The following PXDNL variants were observed in gnomAD, a reference collection of about 807,000 sequenced individuals.
PXDNL encodes the protein peroxidasin like, also known as probable oxidoreductase PXDNL.
In PXDNL, 145 loss-of-function variants were observed where a neutral mutation model predicts 150.8. That is an observed-to-expected ratio of 0.96 (90% CI 0.84 to 1.10). PXDNL has a LOEUF of 1.10. Among genes scored for constraint, PXDNL ranks in the 50% least tolerant of loss-of-function variants. The probability of loss-of-function intolerance (pLI) is 0.00; values close to 1 mark genes in which losing one functional copy is unlikely to be tolerated. For missense variants in PXDNL, 2,087 were observed against 1,873.9 expected (o/e 1.11, Z -2.10); for synonymous variants, 757 against 725.7 (o/e 1.04, Z -0.69).
chr8:51,696,625 C>T (rs549580286), intron 1 of PXDNL, among the ~76,000 whole-genome samples: 1 of 4,404 alleles, frequency 2.3e-4, no homozygotes, highest in East Asian at 7.5e-3. Context: ...ACACACAGAT[C>T]CATTCACAGG....
intron 6 of PXDNL, among the ~76,000 whole-genome samples, chr8:51,477,460 C>T (rs573240380): frequency 2.6e-5 from 4 of 152,302 alleles, no homozygotes; most frequent in East Asian, 1.9e-4. Flanking sequence ...TTCAGGACAG[C>T]GCTGTTGGTT....
chr8:51,681,916 A>T (rs1815759253), intron 1 of PXDNL, among the ~76,000 whole-genome samples: 1 of 152,230 alleles, frequency 6.6e-6, no homozygotes, highest in Non-Finnish European at 1.5e-5. Context: ...CATACAAATG[A>T]CAGCAGATAG....
At chr8:51,347,899 G>C (rs1806210303) in intron 19 of PXDNL, among the ~76,000 whole-genome samples, 1 of 151,128 alleles carries the variant, frequency 6.6e-6, no homozygotes, top group Non-Finnish European at 1.5e-5. Context: ...TTGCAGCTCT[G>C]AGTAAAAAAA....
intron 17 of PXDNL, among the ~76,000 whole-genome samples, chr8:51,391,203 T>C (rs1039381031): frequency 2.6e-5 from 4 of 152,198 alleles, no homozygotes; most frequent in East Asian, 3.8e-4. Context: ...AATAAACATA[T>C]GTGTGCGTGT....
chr8:51,504,706 C>G (rs1275012458), intron 4 of PXDNL, among the ~76,000 whole-genome samples: 4 of 152,170 alleles, frequency 2.6e-5, no homozygotes, highest in Non-Finnish European at 4.4e-5. Context: ...TATTCACATC[C>G]CTAGTTTCTT....
rs1586081060 is a variant in PXDNL, at chr8:51,408,636, C to G, written c.2988G>C (p.Thr996=). Reference sequence around the variant, plus strand: ...CGATCTTCCTGGCTTCCTGGTAAACCGTGTTTCCCTCCCAGTGGGGGTTCA... The same window carrying G: ...CGATCTTCCTGGCTTCCTGGTAAACGGTGTTTCCCTCCCAGTGGGGGTTCA... The part of the protein sequence containing the change: ...SALNPHWEGN[T]VYQEARKIVG... Residue 996 remains threonine, a synonymous_variant, in exon 17 of 23, where the codon ACG becomes ACC. Coordinates refer to ENST00000356297, the MANE Select transcript of PXDNL (RefSeq NM_144651.5). 18 of 1,607,918 alleles carry G rather than the reference C, an allele frequency of 1.1e-5. No individual in the cohort carries two copies. Among genetic ancestry groups the G allele is most frequent in the Non-Finnish European group, 1.5e-5 (18 of 1,177,144 alleles).
At chr8:51,444,633 C>T (rs1809630102) in intron 12 of PXDNL, among the ~76,000 whole-genome samples, 1 of 152,156 alleles carries the variant, frequency 6.6e-6, no homozygotes, top group South Asian at 2.1e-4. Flanking sequence ...GTTAAGGAAG[C>T]TGATTCCTTA....
At position 51,499,681 on chromosome 8, in the gene PXDNL, T is replaced by G. The variant is rs773457122; in HGVS notation, c.452+18A>C. 2.5e-6 allele frequency: 4 copies of G among 1,574,586 alleles called. No homozygotes were observed. The highest frequency in any genetic ancestry group is 2.6e-6 in the Non-Finnish European group (3 of 1,144,494). ...ATGTAAAGCAGAAGCAAAGGACATC[T>G]AAAGGGTCAACACTTACAGTCGCTC... is the stretch of plus-strand genomic sequence containing the variant. On this transcript the variant is annotated intron_variant, in intron 5 of 22. Coordinates refer to ENST00000356297, the MANE Select transcript of PXDNL (RefSeq NM_144651.5).
At chr8:51,567,620 A>G (rs1482199760) in intron 3 of PXDNL, among the ~76,000 whole-genome samples, 1 of 151,698 alleles carries the variant, frequency 6.6e-6, no homozygotes, top group East Asian at 1.9e-4. Flanking sequence ...GCATGATGCA[A>G]CTTTCTCCAT....
rs575845317 is a variant in PXDNL at position 51,601,475 on chromosome 8, C to T, written c.237-8777G>A. Among the ~76,000 whole-genome samples the T allele has an allele frequency of 7.4e-4, 113 of 151,928 alleles. 2 individuals carry two copies. The South Asian group carries it at 0.017, about 23-fold the overall frequency. On this transcript the variant is annotated intron_variant, in intron 2 of 22. Coordinates refer to ENST00000356297, the MANE Select transcript of PXDNL (RefSeq NM_144651.5). The stretch of plus-strand genomic sequence containing the variant: ...GTGAACCCTTGGTCATTATGTAATG[C>T]CCTTCTTTGTCTTCATTTTACTGTT...
intron 3 of PXDNL, among the ~76,000 whole-genome samples, chr8:51,581,069 T>A (rs1813201151): frequency 6.6e-6 from 1 of 152,084 alleles, no homozygotes; most frequent in Non-Finnish European, 1.5e-5. Flanking sequence ...AGAACTGGTC[T>A]TGAGTAGCCT....
Position 51,608,767 on chromosome 8 carries a change from G to T in PXDNL, c.237-16069C>A, listed in dbSNP as rs561473844. 2.0e-5 allele frequency among the ~76,000 whole-genome samples: 3 copies of T among 147,758 alleles called. No homozygotes were observed. The East Asian group carries it at 6.0e-4, about 30-fold the overall frequency. On this transcript the variant is annotated intron_variant, in intron 2 of 22. Transcript: ENST00000356297. ...CAGGAGAATGGCGTGAACCCGGGAG[G>T]CGGAGCTTGCAGTGAGCCGAGATTG... is the stretch of plus-strand genomic sequence containing the variant.
intron 4 of PXDNL, among the ~76,000 whole-genome samples, chr8:51,537,520 C>G (rs1812106682): frequency 6.6e-6 from 1 of 152,160 alleles, no homozygotes; most frequent in Admixed American, 6.5e-5. Flanking sequence ...TCCCCTAACT[C>G]CCTGTGATCC....
At chr8:51,697,527 G>T (rs1053719153) in intron 1 of PXDNL, among the ~76,000 whole-genome samples, 1 of 152,148 alleles carries the variant, frequency 6.6e-6, no homozygotes, top group Admixed American at 6.5e-5. Flanking sequence ...TCCCAGTCAA[G>T]GAGTAGATGT....
intron 17 of PXDNL, among the ~76,000 whole-genome samples, chr8:51,394,804 C>T (rs563097377): frequency 6.6e-6 from 1 of 152,264 alleles, no homozygotes; most frequent in Admixed American, 6.5e-5. Context: ...GTACATAGCG[C>T]TGGTCCTGTG....
At chr8:51,663,924 G>A (rs1375391558) in intron 1 of PXDNL, among the ~76,000 whole-genome samples, 5 of 151,946 alleles carry the variant, frequency 3.3e-5, no homozygotes, top group African/African-American at 7.3e-5. Context: ...GGTGGCACAC[G>A]CCCATGATCC....
intron 21 of PXDNL, among the ~76,000 whole-genome samples, chr8:51,325,808 C>T (rs1805465922): frequency 6.6e-6 from 1 of 152,208 alleles, no homozygotes. Context: ...TTAGGTGCCT[C>T]AGTATACCCT....
chr8:51,538,814 C>T (rs916578813), intron 4 of PXDNL, among the ~76,000 whole-genome samples: 2 of 152,146 alleles, frequency 1.3e-5, no homozygotes, highest in Non-Finnish European at 2.9e-5. Context: ...AGACACTTTA[C>T]TGTCTGATTT....
In PXDNL at chr8:51,409,004, G is replaced by C. The variant is rs749329541; in HGVS notation, c.2620C>G (p.Pro874Ala). The C allele has an allele frequency of 2.5e-6, 4 of 1,611,238 alleles. No homozygotes were observed. The highest frequency in any genetic ancestry group is 3.4e-6 in the Non-Finnish European group (4 of 1,179,842). ...TAGACTGAATCCACCGTCGCAGAGG[G>C]ACGGCCGCTGGCACACGCGGGGCTG... ...RSSPACASGR[P>A]SATVDSVYAR... The change falls in exon 17 of 23, where the codon CCC becomes GCC. Residue 874 changes from proline (P) to alanine (A), a missense_variant. Coordinates refer to ENST00000356297, the MANE Select transcript of PXDNL (RefSeq NM_144651.5).
Sources: allele counts gnomAD v4.1 joint callset (sites outside exome capture counted in the v4.1 genomes callset), GRCh38; gene constraint gnomAD v4.1.1; transcripts MANE v1.5; gene names NCBI Gene and HGNC (gene_info 2026-07-23, HGNC 2026-07-21).